CNTNAP5: variants seen among roughly 807,000 people sequenced by gnomAD.
The protein encoded by CNTNAP5 is contactin-associated protein-like 5.
In CNTNAP5, 72 loss-of-function variants were observed where a neutral mutation model predicts 150.2. The observed-to-expected ratio is 0.48, with a 90% CI of 0.40 to 0.58. The LOEUF is 0.58. Ranked by LOEUF, CNTNAP5 falls within the 20% of genes least tolerant of loss-of-function variation. The pLI, the probability that CNTNAP5 is intolerant of heterozygous loss-of-function variation, is 0.00. For synonymous variants in CNTNAP5, 672 were observed against 619.8 expected, an observed-to-expected ratio of 1.08 and a Z score of -1.25; for missense variants, 1,636 against 1,626.2, an observed-to-expected ratio of 1.01 and a Z score of -0.10.
chr2:124,912,535 A>G (rs1678678304), intron 23 of CNTNAP5, among the ~76,000 whole-genome samples: 1 of 152,096 alleles, frequency 6.6e-6, no homozygotes, highest in Non-Finnish European at 1.5e-5. Flanking sequence ...ACATGAAGAA[A>G]GGAAAACCAC....
At chr2:124,248,594 A>T (rs1687087427) in intron 3 of CNTNAP5, among the ~76,000 whole-genome samples, 1 of 152,196 alleles carries the variant, frequency 6.6e-6, no homozygotes, top group African/African-American at 2.4e-5. Context: ...CTGGCTCCAC[A>T]TTTAGCCCAT....
intron 7 of CNTNAP5, among the ~76,000 whole-genome samples, chr2:124,479,429 C>T (rs553838441): frequency 2.0e-5 from 3 of 152,202 alleles, no homozygotes; most frequent in African/African-American, 7.2e-5. Context: ...TTGTAGGTCT[C>T]AAAATATTTT....
At chr2:124,826,058 A>G (rs1175929473) in intron 19 of CNTNAP5, among the ~76,000 whole-genome samples, 1 of 152,190 alleles carries the variant, frequency 6.6e-6, no homozygotes, top group Non-Finnish European at 1.5e-5. Flanking sequence ...TAACAAACAT[A>G]ATTGCATAAT....
chr2:124,713,378 T>TCTTC lies in CNTNAP5; in HGVS notation c.2078-33850_2078-33847dup, dbSNP rs1553434541. Among the ~76,000 whole-genome samples the TCTTC allele has an allele frequency of 1.6e-4, 21 of 133,798 alleles. 1 individual carries two copies. The highest frequency in any genetic ancestry group is 1.2e-3 in the South Asian group (5 of 4,088). 87.8% of individuals were successfully genotyped at this position (133,798 alleles called of 152,430 possible). A position where few individuals can be genotyped will look rare whatever the true frequency, so the allele number is the denominator to read the frequency against. On this transcript the variant is annotated intron_variant, in intron 13 of 23. Transcript: ENST00000682447. ...TTCTTTCTTTCTTTCTTTCTTTCTT[T>TCTTC]CTTCTCCCTCTTTTTTTGAGATAGA...
At chr2:124,786,841 T>G (rs1485016992) in intron 17 of CNTNAP5, among the ~76,000 whole-genome samples, 2 of 152,206 alleles carry the variant, frequency 1.3e-5, no homozygotes, top group Non-Finnish European at 2.9e-5. Context: ...TTTTAAAAAA[T>G]TATTCTCTTT....
chr2:124,095,317 G>A (rs779708285), intron 1 of CNTNAP5, among the ~76,000 whole-genome samples: 6 of 152,164 alleles, frequency 3.9e-5, no homozygotes, highest in Non-Finnish European at 7.3e-5. Context: ...ACATGAGGAG[G>A]GAAACATCAC....
chr2:124,599,131 A>T (rs1302703123), intron 11 of CNTNAP5, among the ~76,000 whole-genome samples: 1 of 152,144 alleles, frequency 6.6e-6, no homozygotes, highest in African/African-American at 2.4e-5. Context: ...GGAGCTGTAG[A>T]CCGGAGCTGT....
chr2:124,810,457 T>C (rs984427920), intron 19 of CNTNAP5, among the ~76,000 whole-genome samples: 1 of 152,074 alleles, frequency 6.6e-6, no homozygotes, highest in Non-Finnish European at 1.5e-5. Context: ...GGAAAGGGTA[T>C]AGAGGGAGGA....
At chr2:124,179,496 C>T (rs1467646761) in intron 1 of CNTNAP5, among the ~76,000 whole-genome samples, 2 of 152,124 alleles carry the variant, frequency 1.3e-5, no homozygotes, top group Non-Finnish European at 2.9e-5. Context: ...ATCAATTTTG[C>T]TTAGGAAAAG....
chr2:124,645,791 G>A (rs1438758472), intron 12 of CNTNAP5, among the ~76,000 whole-genome samples: 4 of 152,184 alleles, frequency 2.6e-5, no homozygotes, highest in Admixed American at 2.6e-4. Context: ...TTTGCAGGAT[G>A]TACAGGAAGC....
At chr2:124,437,953 C>T (rs1404632745) in intron 5 of CNTNAP5, among the ~76,000 whole-genome samples, 1 of 152,142 alleles carries the variant, frequency 6.6e-6, no homozygotes, top group East Asian at 1.9e-4. Flanking sequence ...ATTTTCTAAT[C>T]AGTTACTTGC....
chr2:124,234,880 A>G (rs1686710134), intron 2 of CNTNAP5, among the ~76,000 whole-genome samples: 1 of 152,178 alleles, frequency 6.6e-6, no homozygotes, highest in South Asian at 2.1e-4. Context: ...CAGACACACC[A>G]GTGTGAAGCC....
In CNTNAP5 at chr2:124,620,605, T is replaced by C. The variant is rs1250264136; in HGVS notation, c.1876+10685T>C. 2.0e-5 allele frequency among the ~76,000 whole-genome samples: 3 copies of C among 152,288 alleles called. No homozygotes were observed. In the East Asian group the frequency reaches 5.8e-4, roughly 29 times the overall value. On this transcript the variant is annotated intron_variant, in intron 12 of 23. Transcript: ENST00000682447. ...TAATATTTCTAGATCTTGGTTTTTC[T>C]AGCTGGATGGCCTTGGATAAATCAT...
rs773366678 is a variant in CNTNAP5 at position 124,242,356 on chromosome 2, G to T, written c.344G>T (p.Arg115Leu). The change falls in exon 3 of 24, where the codon CGC becomes CTC. Residue 115 changes from arginine (R) to leucine (L), a missense_variant. Arg to Leu is a moderately radical substitution (Grantham distance 102). Coordinates refer to ENST00000682447, the MANE Select transcript of CNTNAP5 (RefSeq NM_001367498.1). ...SYSLMFSDTG[R>L]NWKQYKQEDS... ...AGCCTGATGTTCAGTGACACAGGAC[G>T]CAACTGGAAACAGTACAAACAAGAA... 2 of 1,613,250 alleles carry T rather than the reference G, an allele frequency of 1.2e-6. No homozygotes were observed. The highest frequency in any genetic ancestry group is 3.3e-5 in the Admixed American group (2 of 59,894).
chr2:124,864,172 C>T (rs1380116209), intron 19 of CNTNAP5, among the ~76,000 whole-genome samples: 3 of 152,102 alleles, frequency 2.0e-5, no homozygotes, highest in Non-Finnish European at 4.4e-5. Flanking sequence ...CAACTTATTA[C>T]CCCATGGCAA....
chr2:124,286,808 T>C (rs570380670), intron 3 of CNTNAP5, among the ~76,000 whole-genome samples: 1 of 152,184 alleles, frequency 6.6e-6, no homozygotes, highest in Non-Finnish European at 1.5e-5. Flanking sequence ...TCAATGTAGC[T>C]GTTCTCTTTC....
chr2:124,588,787 A>G (rs1273936841), intron 11 of CNTNAP5, among the ~76,000 whole-genome samples: 1 of 152,058 alleles, frequency 6.6e-6, no homozygotes, highest in Non-Finnish European at 1.5e-5. Flanking sequence ...GTGGTTTTTA[A>G]GAAGAAAATG....
chr2:124,216,314 A>C (rs557606763), intron 1 of CNTNAP5, among the ~76,000 whole-genome samples: 1 of 152,268 alleles, frequency 6.6e-6, no homozygotes, highest in Non-Finnish European at 1.5e-5. Flanking sequence ...AAAAATATAT[A>C]TGAAAAAGGA....
chr2:124,530,879 A>G (rs1460904509), intron 10 of CNTNAP5, among the ~76,000 whole-genome samples: 1 of 152,072 alleles, frequency 6.6e-6, no homozygotes, highest in Non-Finnish European at 1.5e-5. Context: ...CCATCTTTCC[A>G]GCCTCTTTGA....
Sources: allele counts gnomAD v4.1 joint callset (sites outside exome capture counted in the v4.1 genomes callset), GRCh38; gene constraint gnomAD v4.1.1; transcripts MANE v1.5; gene names NCBI Gene and HGNC (gene_info 2026-07-23, HGNC 2026-07-21).